PHKA2: variants seen among roughly 807,000 people sequenced by gnomAD.
PHKA2 encodes the protein phosphorylase kinase regulatory subunit alpha 2.
A neutral mutation model predicts 102.0 loss-of-function variants in PHKA2; 31 were observed. That is an observed-to-expected ratio of 0.30 (90% confidence interval 0.23 to 0.41). PHKA2 has a LOEUF of 0.41. Among genes scored for constraint, PHKA2 ranks in the 10% least tolerant of loss-of-function variants. PHKA2 has a pLI of 1.00. For missense variants in PHKA2, 858 were observed against 1,023.1 expected, an observed-to-expected ratio of 0.84 and a Z score of 2.20; for synonymous variants, 455 against 416.2, an observed-to-expected ratio of 1.09 and a Z score of -1.13.
At chrX:18,907,617 G>A (rs1321617215) in intron 22 of PHKA2, among the ~76,000 whole-genome samples, 2 of 111,682 alleles carry the variant, frequency 1.8e-5, no homozygotes, top group African/African-American at 6.5e-5. Context: ...GTGAAAAAAA[G>A]AGAGCTCTAA....
At chrX:18,973,816 A>G (rs759026136) in intron 1 of PHKA2, among the ~76,000 whole-genome samples, 104 of 112,380 alleles carry the variant, frequency 9.3e-4, no homozygotes, top group African/African-American at 3.2e-3. Context: ...AAAAACACAC[A>G]GCCACACTGA....
chrX:18,982,692 G>A (rs2049189801), intron 1 of PHKA2, among the ~76,000 whole-genome samples: 1 of 111,508 alleles, frequency 9.0e-6, no homozygotes, highest in Non-Finnish European at 1.9e-5. Flanking sequence ...AAATTAGCTG[G>A]GTGTGGTGGC....
chrX:18,945,989 G>A (rs1344188817), intron 5 of PHKA2, among the ~76,000 whole-genome samples: 2 of 108,695 alleles, frequency 1.8e-5, no homozygotes, highest in South Asian at 3.9e-4. Context: ...GTGCAGTGGC[G>A]CGATCTCAGC....
At chrX:18,906,401 A>G in intron 25 of PHKA2, 94 bp downstream of exon 25, 1 of 1,083,316 alleles carries the variant, frequency 9.2e-7, no homozygotes, top group South Asian at 1.8e-5. Flanking sequence ...TGGGTTCGAG[A>G]TAACCTAAGC....
rs373884791 is a variant in PHKA2 at position 18,907,955 on chromosome X, C to T, written c.2462G>A (p.Gly821Asp). 1 of 1,209,463 alleles carries T rather than the reference C, an allele frequency of 8.3e-7. No homozygotes were observed. Among genetic ancestry groups the T allele is most frequent in the Non-Finnish European group, 1.1e-6 (1 of 894,731 alleles). ...AAGGCCTGAGATGTAGCGAATCAGA[C>T]CCCACTCCTGGTTCAAGCCGGCTTT... The part of the protein sequence containing the change: ...YGKAGLNQEW[G>D]LIRYISGLLR... The change falls in exon 22 of 33, where the codon GGT becomes GAT. Residue 821 changes from glycine to aspartate, a missense_variant. This residue lies in a region of PHKA2 where 671 missense variants were observed against 745.2 expected (regional missense o/e 0.90). Transcript: ENST00000379942.
intron 2 of PHKA2, among the ~76,000 whole-genome samples, 180 bp from the exon 3 acceptor site, chrX:18,952,721 A>C: frequency 8.9e-6 from 1 of 112,398 alleles, no homozygotes; most frequent in Non-Finnish European, 1.9e-5. Context: ...TAAAGAAAGA[A>C]AAATCTCGAC....
chrX:18,941,410 C>T (rs945259992), intron 8 of PHKA2, 119 bp downstream of exon 8: 45 of 660,108 alleles, frequency 6.8e-5, no homozygotes, highest in South Asian at 6.2e-4. Flanking sequence ...CAGCTTTGAA[C>T]GCTGTATGCA....
chrX:18,895,896 G>A (rs1402801702), intron 30 of PHKA2: 1 of 112,800 alleles, frequency 8.9e-6, no homozygotes, highest in Non-Finnish European at 1.9e-5. Context: ...ACCCCCTTAA[G>A]AGAGGCGGGA....
At chrX:18,925,846 G>A (rs1448225756) in intron 14 of PHKA2, 69 bp from the exon 15 acceptor site, 3 of 713,994 alleles carry the variant, frequency 4.2e-6, no homozygotes, top group African/African-American at 4.1e-5. Context: ...AGGCAACTCA[G>A]GCTAAGACTG....
chrX:18,924,408 T>C lies in PHKA2; in HGVS notation c.1687A>G (p.Thr563Ala), dbSNP rs750776511. ...CWRMTGRPTL[T>A]FPISRTMLTN... ...AGCATGGTGCGACTGATGGGGAAGGTGAGTGTGGGTCTGCCCGTCATCCTC... is the reference window on the plus strand; with the variant it reads ...AGCATGGTGCGACTGATGGGGAAGGCGAGTGTGGGTCTGCCCGTCATCCTC... Residue 563 changes from threonine to alanine, a missense_variant, in exon 16 of 33, where the codon ACC (threonine) becomes GCC (alanine). Physicochemically the swap from Thr to Ala is moderately conservative, Grantham distance 58. This residue lies in a region of PHKA2 where 671 missense variants were observed against 745.2 expected (regional missense o/e 0.90). Transcript: ENST00000379942. 4.1e-6 allele frequency: 5 copies of C among 1,210,485 alleles called. No homozygotes were observed. In the South Asian group the frequency reaches 8.8e-5, roughly 21 times the overall value.
At chrX:18,929,973 G>A (rs144570622) in intron 12 of PHKA2, among the ~76,000 whole-genome samples, 1 of 112,510 alleles carries the variant, frequency 8.9e-6, no homozygotes, top group Non-Finnish European at 1.9e-5. Context: ...CAGAAGGAAA[G>A]AGCGCTGCAC....
chrX:18,893,838 T>C (rs1165944775), intron 32 of PHKA2, among the ~76,000 whole-genome samples, 183 bp from the exon 33 acceptor site: 2 of 112,519 alleles, frequency 1.8e-5, no homozygotes, highest in Admixed American at 9.4e-5. Flanking sequence ...CCAGGGGGAA[T>C]GCCCTACCTC....
At chrX:18,927,645 C>T (rs1230452581) in intron 13 of PHKA2, among the ~76,000 whole-genome samples, 1 of 111,741 alleles carries the variant, frequency 8.9e-6, no homozygotes, top group African/African-American at 3.3e-5. Flanking sequence ...TTTTAATATC[C>T]ATTATCTCAT....
chrX:18,897,371 A>G (rs764202091), intron 29 of PHKA2, 38 bp from the exon 30 acceptor site: 12 of 1,177,786 alleles, frequency 1.0e-5, no homozygotes, highest in Admixed American at 4.5e-5. Flanking sequence ...GAAGCCACGC[A>G]GCAGGTGCCC....
At chrX:18,948,051 G>A (rs1363210423) in intron 5 of PHKA2, among the ~76,000 whole-genome samples, 2 of 111,629 alleles carry the variant, frequency 1.8e-5, no homozygotes, top group East Asian at 2.8e-4. Context: ...AGGGTGCAGC[G>A]TATACTGCCC....
Position 18,952,490 on chromosome X carries a change from C to T in PHKA2, c.285+4G>A. On this transcript the variant is annotated splice_donor_region_variant and intron_variant, in intron 3 of 32. Transcript: ENST00000379942. ...TGGCAAACACGTGTGTGGGTTCTGCCTACCTGTCTCATCATGCACTGGAGA... is the reference window on the plus strand; with the variant it reads ...TGGCAAACACGTGTGTGGGTTCTGCTTACCTGTCTCATCATGCACTGGAGA... 1 of 1,208,364 alleles carries T rather than the reference C, an allele frequency of 8.3e-7. No individual in the cohort carries two copies. The highest frequency in any genetic ancestry group is 1.7e-5 in the African/African-American group (1 of 57,789).
intron 21 of PHKA2, 92 bp downstream of exon 21, chrX:18,908,709 T>C (rs2047868704): frequency 1.2e-6 from 1 of 830,688 alleles, no homozygotes; most frequent in Non-Finnish European, 1.8e-6. Flanking sequence ...CTTCCCAGCC[T>C]CCGGAACTGT....
At position 18,899,232 on chromosome X, in the gene PHKA2, A is replaced by T; in HGVS notation, c.3058-6T>A. ...GCCTGGCCCACAGAAAAGAACTACA[A>T]AACAAAAAGAATCCACTCAGTTGAC... is the stretch of plus-strand genomic sequence containing the variant. On this transcript the variant is annotated splice_polypyrimidine_tract_variant and splice_region_variant and intron_variant, in intron 28 of 32. Coordinates refer to ENST00000379942, the MANE Select transcript of PHKA2 (RefSeq NM_000292.3). 1 of 1,201,321 alleles carries T rather than the reference A, an allele frequency of 8.3e-7. No individual in the cohort carries two copies. Among genetic ancestry groups the T allele is most frequent in the Non-Finnish European group, 1.1e-6 (1 of 886,263 alleles).
rs937869668 is a variant in PHKA2, at chrX:18,895,211, C to T, written c.3283-20G>A. The T allele has an allele frequency of 8.3e-6, 10 of 1,197,912 alleles. No homozygotes were observed. The highest frequency in any genetic ancestry group is 1.1e-5 in the Non-Finnish European group (10 of 884,041). On this transcript the variant is annotated intron_variant, in intron 30 of 32. Transcript: ENST00000379942. ...GTGGCACTGGAGGCAGAATAGAGCG[C>T]ATTTCAGTCAGATTCCAGAATGGGA...
Sources: allele counts gnomAD v4.1 joint callset (sites outside exome capture counted in the v4.1 genomes callset), GRCh38; gene constraint gnomAD v4.1.1; regional missense constraint gnomAD v4.1.1; transcripts MANE v1.5; gene names NCBI Gene and HGNC (gene_info 2026-07-23, HGNC 2026-07-21).